SSBP3: variants seen among roughly 807,000 people sequenced by gnomAD.
SSBP3 encodes the protein single stranded DNA binding protein 3.
In SSBP3, 5 loss-of-function variants were observed where a neutral mutation model predicts 69.6. The observed-to-expected ratio is 0.07, with a 90% CI of 0.04 to 0.15. The LOEUF is 0.15. Ranked by LOEUF, SSBP3 falls within the 10% of genes least tolerant of loss-of-function variation. The probability of loss-of-function intolerance (pLI) is 1.00; values close to 1 mark genes in which losing one functional copy is unlikely to be tolerated. For missense variants in SSBP3, 312 were observed against 534.0 expected (o/e 0.58, Z 4.10); for synonymous variants, 196 against 193.4 (o/e 1.01, Z -0.11).
At chr1:54,297,196 A>G (rs948810507) in intron 4 of SSBP3, among the ~76,000 whole-genome samples, 9 of 152,218 alleles carry the variant, frequency 5.9e-5, no homozygotes, top group Admixed American at 3.9e-4. Context: ...TTAACCCTGA[A>G]TCAGGTCCTT....
At chr1:54,358,646 C>T (rs113146234) in intron 4 of SSBP3, among the ~76,000 whole-genome samples, 131 of 152,210 alleles carry the variant, frequency 8.6e-4, no homozygotes, top group African/African-American at 2.8e-3. Context: ...TGAAGACATC[C>T]GAACGAACAA....
At chr1:54,335,050 G>A (rs754704977) in intron 4 of SSBP3, among the ~76,000 whole-genome samples, 55 of 152,168 alleles carry the variant, frequency 3.6e-4, no homozygotes, top group Non-Finnish European at 1.3e-4. Context: ...AAAGGACAAG[G>A]GCCTAGAGGA....
upstream of SSBP3, among the ~76,000 whole-genome samples, chr1:54,409,928 A>C (rs1046135997): frequency 6.6e-6 from 1 of 152,074 alleles, no homozygotes; most frequent in Non-Finnish European, 1.5e-5. Context: ...TCCCACTAAC[A>C]CTTCTCAGAT....
At chr1:54,371,285 G>A (rs905280387) in intron 4 of SSBP3, among the ~76,000 whole-genome samples, 2 of 152,244 alleles carry the variant, frequency 1.3e-5, no homozygotes, top group African/African-American at 4.8e-5. Flanking sequence ...CAGCACCGAG[G>A]AACACTCCAT....
chr1:54,353,911 A>T (rs1646822428), intron 4 of SSBP3, among the ~76,000 whole-genome samples: 1 of 152,216 alleles, frequency 6.6e-6, no homozygotes, highest in South Asian at 2.1e-4. Flanking sequence ...TGATCAGGTC[A>T]GCACCTTCAT....
chr1:54,380,278 C>G (rs1303677619), intron 4 of SSBP3, among the ~76,000 whole-genome samples: 1 of 152,084 alleles, frequency 6.6e-6, no homozygotes, highest in Non-Finnish European at 1.5e-5. Flanking sequence ...CCTCCTTTTT[C>G]CTTCCCCTCC....
At chr1:54,397,396 C>G (rs774998847) in intron 4 of SSBP3, among the ~76,000 whole-genome samples, 2 of 152,228 alleles carry the variant, frequency 1.3e-5, no homozygotes, top group Non-Finnish European at 2.9e-5. Context: ...ACCAAGGACG[C>G]TGGACCCCTG....
chr1:54,273,685 C>T (rs1645234705), intron 5 of SSBP3, among the ~76,000 whole-genome samples: 1 of 152,316 alleles, frequency 6.6e-6, no homozygotes, highest in Non-Finnish European at 1.5e-5. Flanking sequence ...TGGCCAGCAC[C>T]CCCCACTGGA....
At chr1:54,243,157 A>G (rs1053592743) in intron 10 of SSBP3, 78 bp downstream of exon 10, 15 of 1,336,658 alleles carry the variant, frequency 1.1e-5, no homozygotes, top group African/African-American at 1.4e-5. Flanking sequence ...ACCCCTTATC[A>G]TGAGTCTCCC....
chr1:54,257,909 T>C (rs1402803385), intron 6 of SSBP3, among the ~76,000 whole-genome samples, 160 bp downstream of exon 6: 2 of 152,264 alleles, frequency 1.3e-5, no homozygotes, highest in Non-Finnish European at 2.9e-5. Flanking sequence ...GACTGAAGAC[T>C]ATCTTTAGAA....
At chr1:54,380,231 C>T (rs1647513720) in intron 4 of SSBP3, among the ~76,000 whole-genome samples, 1 of 152,204 alleles carries the variant, frequency 6.6e-6, no homozygotes, top group South Asian at 2.1e-4. Context: ...GGGGGATTGA[C>T]TCGCTCTGTG....
chr1:54,396,881 A>T (rs1414135525), intron 4 of SSBP3, among the ~76,000 whole-genome samples: 2 of 151,952 alleles, frequency 1.3e-5, no homozygotes, highest in African/African-American at 2.4e-5. Flanking sequence ...CTTGAAACCC[A>T]TTAAGGTGGC....
At chr1:54,230,757 A>AC (rs1644367303) in intron 14 of SSBP3, among the ~76,000 whole-genome samples, 1 of 152,182 alleles carries the variant, frequency 6.6e-6, no homozygotes, top group African/African-American at 2.4e-5. Context: ...CATGTCATAT[A>AC]CATAGAATCA....
chr1:54,289,356 C>T (rs1472050378), intron 4 of SSBP3, among the ~76,000 whole-genome samples: 2 of 136,196 alleles, frequency 1.5e-5, no homozygotes, highest in East Asian at 4.5e-4. Context: ...ATCTAACTGG[C>T]AAATTACCCT....
intron 4 of SSBP3, among the ~76,000 whole-genome samples, chr1:54,352,568 G>GT (rs1027421237): frequency 1.1e-4 from 16 of 152,238 alleles, no homozygotes; most frequent in African/African-American, 3.9e-4. Flanking sequence ...TCCATATGGG[G>GT]TCTTACTATA....
intron 4 of SSBP3, among the ~76,000 whole-genome samples, chr1:54,327,019 G>A (rs76492314): frequency 6.6e-6 from 1 of 152,052 alleles, no homozygotes; most frequent in East Asian, 1.9e-4. Flanking sequence ...TCAAGGACAG[G>A]CAACGCCAGG....
At chr1:54,299,917 C>G (rs758817373) in intron 4 of SSBP3, among the ~76,000 whole-genome samples, 4 of 152,158 alleles carry the variant, frequency 2.6e-5, no homozygotes, top group African/African-American at 9.7e-5. Flanking sequence ...CCAGCTCCAC[C>G]GACATAATTC....
At chr1:54,411,393 G>A (rs1029079587), upstream of SSBP3, among the ~76,000 whole-genome samples, 1 of 151,656 alleles carries the variant, frequency 6.6e-6, no homozygotes, top group Admixed American at 6.6e-5. Context: ...CAGGAGAATC[G>A]CTTGAACCCA....
intron 4 of SSBP3, among the ~76,000 whole-genome samples, chr1:54,387,912 T>C (rs1648205744): frequency 6.6e-6 from 1 of 152,140 alleles, no homozygotes; most frequent in Non-Finnish European, 1.5e-5. Context: ...CAAAAGTCCC[T>C]CTTAAGGCAA....
Sources: allele counts gnomAD v4.1 joint callset (sites outside exome capture counted in the v4.1 genomes callset), GRCh38; gene constraint gnomAD v4.1.1; transcripts MANE v1.5; gene names NCBI Gene and HGNC (gene_info 2026-07-23, HGNC 2026-07-21).